The following SMARCAD1 variants were observed in gnomAD, a reference collection of about 807,000 sequenced individuals.
The protein encoded by SMARCAD1 is SWI/SNF-related matrix-associated actin-dependent regulator of chromatin subfamily A containing DEAD/H box 1.
Under a neutral mutation model 127.1 loss-of-function variants are expected in SMARCAD1, and 25 were observed. The ratio of observed to expected loss-of-function variants is 0.20; its 90% CI spans 0.14 to 0.27. SMARCAD1 has a LOEUF of 0.27. SMARCAD1 is among the 10% of genes least tolerant of loss of function. SMARCAD1 has a pLI of 1.00. For synonymous variants in SMARCAD1, 400 were observed against 396.9 expected, an observed-to-expected ratio of 1.01 and a Z score of -0.09; for missense variants, 807 against 1,206.0, an observed-to-expected ratio of 0.67 and a Z score of 4.90.
rs140883380 is a variant in SMARCAD1, at chr4:94,258,503, T to C, written c.1281+5496T>C. 6.1e-4 allele frequency among the ~76,000 whole-genome samples: 93 copies of C among 152,308 alleles called. No individual in the cohort carries two copies. The East Asian group carries it at 0.012, about 20-fold the overall frequency. On this transcript the variant is annotated intron_variant, in intron 9 of 23. Transcript: ENST00000354268. Reference sequence around the variant, plus strand: ...CTCTTTTAGAAAATCAGGAATCTTATCACCTGCTCTGATTTGGAAGTGGCC... The same window carrying C: ...CTCTTTTAGAAAATCAGGAATCTTACCACCTGCTCTGATTTGGAAGTGGCC...
At chr4:94,272,645 C>G (rs566960118) in intron 11 of SMARCAD1, among the ~76,000 whole-genome samples, 1 of 152,058 alleles carries the variant, frequency 6.6e-6, no homozygotes, top group African/African-American at 2.4e-5. Flanking sequence ...TTATTGAGAT[C>G]TATCTGTGTT....
At chr4:94,250,240 T>C (rs1749084699) in intron 7 of SMARCAD1, among the ~76,000 whole-genome samples, 1 of 152,008 alleles carries the variant, frequency 6.6e-6, no homozygotes, top group Admixed American at 6.6e-5. Context: ...AAAGGCCCTC[T>C]GTTTAATCCC....
Position 94,284,967 on chromosome 4 carries a change from C to G in SMARCAD1, c.2917C>G (p.Leu973Val). The change falls in exon 23 of 24, where the codon CTA becomes GTA. Residue 973 changes from leucine (L) to valine (V), a missense_variant. Physicochemically the swap from Leu to Val is conservative, Grantham distance 32. This residue lies in a region of SMARCAD1 where 36 missense variants were observed against 67.4 expected (regional missense o/e 0.53). Transcript: ENST00000354268. Reference sequence around the variant, plus strand: ...TTTTGTATTTTTTTTTAGAGAAGTACTAGTTATAAAACTAATAAGCCAAGG... The same window carrying G: ...TTTTGTATTTTTTTTTAGAGAAGTAGTAGTTATAAAACTAATAAGCCAAGG... ...CHRVGQTKEV[L>V]VIKLISQGTI... 8.8e-6 allele frequency: 14 copies of G among 1,584,706 alleles called. No homozygotes were observed. Among genetic ancestry groups the G allele is most frequent in the Non-Finnish European group, 1.1e-5 (13 of 1,153,732 alleles).
chr4:94,233,863 G>GTAC lies in SMARCAD1; in HGVS notation c.369-90_369-89insACT, dbSNP rs2125859231. On this transcript the variant is annotated intron_variant, in intron 3 of 23. Coordinates refer to ENST00000354268, the MANE Select transcript of SMARCAD1 (RefSeq NM_020159.5). ...TTTACTATTGAAAAGAACTGCAGATGTGTTGTACTATGTATACACATAGAC... is the reference window on the plus strand; with the variant it reads ...TTTACTATTGAAAAGAACTGCAGATGTACTGTTGTACTATGTATACACATAGAC... 8 of 1,293,462 alleles carry GTAC rather than the reference G, an allele frequency of 6.2e-6. No homozygotes were observed. In the East Asian group the frequency reaches 1.5e-4, roughly 24 times the overall value. 80.1% of individuals were successfully genotyped at this position (1,293,462 alleles called of 1,614,324 possible).
intron 10 of SMARCAD1, among the ~76,000 whole-genome samples, chr4:94,266,630 T>G (rs1176878529): frequency 6.6e-6 from 1 of 152,098 alleles, no homozygotes; most frequent in Non-Finnish European, 1.5e-5. Context: ...TTGTGGGTAC[T>G]TAGTATGTAG....
In SMARCAD1 at chr4:94,291,184, ATTGTTG is replaced by A. The variant is rs751120943; in HGVS notation, c.*1659_*1664del. On this transcript the variant is annotated 3_prime_UTR_variant, in exon 24 of 24. Coordinates refer to ENST00000354268, the MANE Select transcript of SMARCAD1 (RefSeq NM_020159.5). ...ATAGGCTGTTTCTTTTTTTGTTGTT[ATTGTTG>A]TTGTTGTTATATCCATACTTTTATC... 10 of 445,918 alleles carry A rather than the reference ATTGTTG, an allele frequency of 2.2e-5. No homozygotes were observed. The highest frequency in any genetic ancestry group is 1.2e-4 in the African/African-American group (6 of 49,482). 27.6% of individuals were successfully genotyped at this position (445,918 alleles called of 1,614,324 possible).
At chr4:94,213,568 C>A (rs1011909942) in intron 2 of SMARCAD1, among the ~76,000 whole-genome samples, 2 of 150,518 alleles carry the variant, frequency 1.3e-5, no homozygotes, top group Non-Finnish European at 1.5e-5. Context: ...TATGGAAATG[C>A]TATTAGTGAA....
intron 9 of SMARCAD1, among the ~76,000 whole-genome samples, chr4:94,257,534 C>T (rs1281356602): frequency 1.3e-5 from 2 of 152,036 alleles, no homozygotes; most frequent in East Asian, 3.8e-4. Context: ...AACATGGTGG[C>T]AGTAGAGTGT....
chr4:94,211,461 A>T (rs1443726523), intron 2 of SMARCAD1, among the ~76,000 whole-genome samples: 3 of 152,130 alleles, frequency 2.0e-5, no homozygotes, highest in African/African-American at 7.2e-5. Context: ...TATAAATAGG[A>T]TGTGACTATT....
rs1360343468 is a variant in SMARCAD1 at position 94,290,693 on chromosome 4, A to G, written c.*1159A>G. On this transcript the variant is annotated 3_prime_UTR_variant, in exon 24 of 24. Transcript: ENST00000354268. The stretch of plus-strand genomic sequence containing the variant: ...TTAACTCTTTATTAAATCTTTCTTT[A>G]AATTTCTGCCTGTCAGTCTATATTG... The G allele has an allele frequency of 3.2e-5, 14 of 444,372 alleles. No individual in the cohort carries two copies. The highest frequency in any genetic ancestry group is 6.3e-5 in the Non-Finnish European group (14 of 222,662). The allele number at this position is 444,372 out of a possible 1,614,324, so 27.5% of individuals were successfully genotyped here. A position where few individuals can be genotyped will look rare whatever the true frequency, so the allele number is the denominator to read the frequency against.
At chr4:94,240,819 T>G (rs1747467547) in intron 5 of SMARCAD1, 87 bp from the exon 6 acceptor site, 1 of 888,622 alleles carries the variant, frequency 1.1e-6, no homozygotes, top group Non-Finnish European at 1.9e-6. Context: ...TAGTATTCAT[T>G]ATAATACATT....
chr4:94,267,026 A>G (rs575087321), intron 10 of SMARCAD1, among the ~76,000 whole-genome samples: 1 of 152,096 alleles, frequency 6.6e-6, no homozygotes, highest in African/African-American at 2.4e-5. Context: ...TATTCTTACT[A>G]TAGATGTAGC....
At chr4:94,278,016 C>A (rs1753539244) in intron 16 of SMARCAD1, among the ~76,000 whole-genome samples, 3 of 152,150 alleles carry the variant, frequency 2.0e-5, no homozygotes, top group Admixed American at 2.0e-4. Flanking sequence ...CATCAGTCTG[C>A]ACTAGCTTCC....
chr4:94,279,269 G>T (rs1753692129), intron 19 of SMARCAD1, among the ~76,000 whole-genome samples: 2 of 152,092 alleles, frequency 1.3e-5, no homozygotes, highest in African/African-American at 2.4e-5. Context: ...GCGTTGGCCT[G>T]CTGAATAGCT....
At chr4:94,243,166 TGACCTCA>T in intron 6 of SMARCAD1, among the ~76,000 whole-genome samples, 1 of 152,266 alleles carries the variant, frequency 6.6e-6, no homozygotes, top group South Asian at 2.1e-4. Context: ...CTCAAACTCC[TGACCTCA>T]GGTGATCCGC....
In SMARCAD1 at chr4:94,290,810, T is replaced by G; in HGVS notation, c.*1276T>G. 2.3e-6 allele frequency: 1 copy of G among 434,532 alleles called. No homozygotes were observed. The highest frequency in any genetic ancestry group is 4.6e-6 in the Non-Finnish European group (1 of 219,736). 26.9% of individuals were successfully genotyped at this position (434,532 alleles called of 1,614,324 possible). A position where few individuals can be genotyped will look rare whatever the true frequency, so the allele number is the denominator to read the frequency against. Reference sequence around the variant, plus strand: ...TAAATATCATTATAAATAAACTTATTTATAAATCAAAGATTTGTTAATTTT... The same window carrying G: ...TAAATATCATTATAAATAAACTTATGTATAAATCAAAGATTTGTTAATTTT... On this transcript the variant is annotated 3_prime_UTR_variant, in exon 24 of 24. Coordinates refer to ENST00000354268, the MANE Select transcript of SMARCAD1 (RefSeq NM_020159.5).
At chr4:94,208,610 T>G (rs747177988) in intron 2 of SMARCAD1, 26 bp downstream of exon 2, 2 of 1,601,368 alleles carry the variant, frequency 1.2e-6, no homozygotes, top group Admixed American at 1.7e-5. Context: ...AAAATTGATG[T>G]AACATCAAGG....
intron 6 of SMARCAD1, among the ~76,000 whole-genome samples, chr4:94,245,570 A>G (rs1748283788): frequency 6.6e-6 from 1 of 152,134 alleles, no homozygotes; most frequent in South Asian, 2.1e-4. Flanking sequence ...GTGAGCTACA[A>G]CCTTCTGTAT....
chr4:94,229,167 G>A (rs1446928068), intron 3 of SMARCAD1, among the ~76,000 whole-genome samples: 1 of 152,108 alleles, frequency 6.6e-6, no homozygotes, highest in African/African-American at 2.4e-5. Flanking sequence ...TAAGTTATCT[G>A]TGGAGAGATA....
Sources: gnomAD v4.1 joint callset for allele counts (sites outside exome capture counted in the v4.1 genomes callset) on GRCh38, gnomAD v4.1.1 for gene constraint, gnomAD v4.1.1 regional missense constraint, MANE v1.5 for transcripts, NCBI Gene and HGNC (gene_info 2026-07-23, HGNC 2026-07-21) for gene names.